The following CSMD1 variants were observed in gnomAD, a reference collection of about 807,000 sequenced individuals.
CSMD1 encodes CUB and Sushi multiple domains 1.
CSMD1 carries 213 observed loss-of-function variants against 417.5 expected under a neutral mutation model. That is an observed-to-expected ratio of 0.51 (90% CI 0.46 to 0.57). The LOEUF is 0.57. Among genes scored for constraint, CSMD1 ranks in the 20% least tolerant of loss-of-function variants. The pLI is 0.00. For missense variants in CSMD1, 6,923 were observed against 4,529.7 expected (o/e 1.53, Z -15.17); for synonymous variants, 2,862 against 1,736.8 (o/e 1.65, Z -16.11).
At position 4,714,878 on chromosome 8, in the gene CSMD1, A is replaced by G. The variant is rs146831891; in HGVS notation, c.86-77320T>C. Among the ~76,000 whole-genome samples the G allele has an allele frequency of 3.3e-4, 50 of 152,354 alleles. No homozygotes were observed. In the East Asian group the frequency reaches 8.9e-3, roughly 27 times the overall value. ...TAAAACCGAAGAAAAAAATCTGTAT[A>G]CCTTTAGAATAATTGTATAATTTGA... On this transcript the variant is annotated intron_variant, in intron 1 of 69. Transcript: ENST00000635120.
intron 62 of CSMD1, among the ~76,000 whole-genome samples, chr8:2,960,344 G>A (rs546868416): frequency 3.3e-5 from 5 of 152,330 alleles, no homozygotes; most frequent in African/African-American, 1.2e-4. Flanking sequence ...GTCCGAGCGA[G>A]AACAATGGGA....
chr8:4,470,147 G>T (rs183085945), intron 2 of CSMD1, among the ~76,000 whole-genome samples: 4 of 152,030 alleles, frequency 2.6e-5, no homozygotes, highest in Non-Finnish European at 5.9e-5. Flanking sequence ...TGGGATTACA[G>T]GTGGCCTTTG....
At chr8:3,114,905 A>G (rs752121995) in intron 42 of CSMD1, among the ~76,000 whole-genome samples, 2 of 152,192 alleles carry the variant, frequency 1.3e-5, no homozygotes, top group Non-Finnish European at 2.9e-5. Context: ...TAACATACCT[A>G]TCACAACATA....
chr8:3,394,224 A>G (rs1307169431), intron 17 of CSMD1, among the ~76,000 whole-genome samples: 2 of 146,962 alleles, frequency 1.4e-5, no homozygotes, highest in African/African-American at 2.5e-5. Context: ...TGTCAGGATT[A>G]CTTACATATT....
At chr8:4,342,227 GTGTGTCTGTGTGTGTGTGTGTGTCTC>G (rs1716965401) in intron 3 of CSMD1, among the ~76,000 whole-genome samples, 1 of 11,080 alleles carries the variant, frequency 9.0e-5, no homozygotes, top group African/African-American at 4.8e-4. Context: ...GTGTGTGTGT[GTGTGTCTGTGTGTGTGTGTGTGTCTC>G]TGTATGTGTG....
intron 7 of CSMD1, among the ~76,000 whole-genome samples, chr8:3,620,498 T>C (rs544461000): frequency 6.6e-6 from 1 of 152,300 alleles, no homozygotes; most frequent in Non-Finnish European, 1.5e-5. Flanking sequence ...TATATAAAGA[T>C]GTAATTTACA....
Position 3,308,346 on chromosome 8 carries a change from C to G in CSMD1, c.3789G>C (p.Arg1263Ser), listed in dbSNP as rs764801606. 11 of 1,613,198 alleles carry G rather than the reference C, an allele frequency of 6.8e-6. No individual in the cohort carries two copies. The highest frequency in any genetic ancestry group is 9.3e-6 in the Non-Finnish European group (11 of 1,179,486). ...SNTLTCLSGDRRVWDKPLPSC... is the reference protein window; with the variant it reads ...SNTLTCLSGDSRVWDKPLPSC... ...AAGGTAGTGGTTTGTCCCACACTCTCCTGTCTCCACTCAAACAGGTCAGGG... is the reference window on the plus strand; with the variant it reads ...AAGGTAGTGGTTTGTCCCACACTCTGCTGTCTCCACTCAAACAGGTCAGGG... The change falls in exon 24 of 70, where the codon AGG becomes AGC. Residue 1263 changes from arginine (R) to serine (S), a missense_variant. By Grantham distance (110) the Arg-to-Ser change is moderately radical (BLOSUM62 -1). Transcript: ENST00000635120.
At chr8:3,090,571 C>A (rs1814872916) in intron 48 of CSMD1, among the ~76,000 whole-genome samples, 1 of 152,110 alleles carries the variant, frequency 6.6e-6, no homozygotes, top group South Asian at 2.1e-4. Flanking sequence ...ATTCTTACAA[C>A]TGCTGTTTTA....
intron 3 of CSMD1, among the ~76,000 whole-genome samples, chr8:4,400,419 T>C (rs952625897): frequency 1.3e-5 from 2 of 152,260 alleles, no homozygotes; most frequent in South Asian, 2.1e-4. Context: ...CATATGTTTG[T>C]ACATGTGCAC....
At chr8:3,448,507 A>C (rs1026157336) in intron 12 of CSMD1, among the ~76,000 whole-genome samples, 29 of 144,334 alleles carry the variant, frequency 2.0e-4, no homozygotes, top group African/African-American at 7.4e-4. Context: ...TTCCCTGAAA[A>C]CTTGGAGAGA....
chr8:4,453,165 G>A lies in CSMD1; in HGVS notation c.303-33100C>T, dbSNP rs558775279. Reference sequence around the variant, plus strand: ...TTTGAGGCAAATATGGCACAAGCCCGTTCCCCCCTCCATCCCAACACACAG... The same window carrying A: ...TTTGAGGCAAATATGGCACAAGCCCATTCCCCCCTCCATCCCAACACACAG... On this transcript the variant is annotated intron_variant, in intron 2 of 69. Transcript: ENST00000635120. Among the ~76,000 whole-genome samples, 9 of 151,238 alleles carry A rather than the reference G, an allele frequency of 6.0e-5. No homozygotes were observed. In the East Asian group the frequency reaches 7.8e-4, roughly 13 times the overall value.
chr8:4,069,935 G>T (rs1006929455), intron 3 of CSMD1, among the ~76,000 whole-genome samples: 2 of 152,086 alleles, frequency 1.3e-5, no homozygotes, highest in African/African-American at 4.8e-5. Context: ...TAAAATTGCA[G>T]TATTATTTTT....
intron 62 of CSMD1, among the ~76,000 whole-genome samples, chr8:2,958,645 A>G (rs1242452593): frequency 6.6e-6 from 1 of 152,236 alleles, no homozygotes; most frequent in Non-Finnish European, 1.5e-5. Flanking sequence ...ACTCATGTAT[A>G]CAGGGAGAGG....
chr8:3,328,594 T>A (rs944887258), intron 23 of CSMD1, among the ~76,000 whole-genome samples: 26 of 152,206 alleles, frequency 1.7e-4, no homozygotes, highest in African/African-American at 2.4e-5. Context: ...GTCGCTCCAA[T>A]GTACATATAG....
chr8:4,941,063 A>T (rs1807965167), intron 1 of CSMD1, among the ~76,000 whole-genome samples: 1 of 152,204 alleles, frequency 6.6e-6, no homozygotes, highest in Admixed American at 6.5e-5. Flanking sequence ...TTGTAATCTG[A>T]CAGATAAACC....
rs373447945 is a variant in CSMD1, at chr8:2,961,278, G to A, written c.9629-64C>T. ...TATAGTTATTGTGAGAATTTTAACA[G>A]CTTTCACTAAAAGGTCTCATGAAAT... is the stretch of plus-strand genomic sequence containing the variant. On this transcript the variant is annotated intron_variant, in intron 61 of 69. Transcript: ENST00000635120. 2.8e-5 allele frequency: 27 copies of A among 976,822 alleles called. No homozygotes were observed. The African/African-American group carries it at 4.0e-4, about 15-fold the overall frequency. The allele number at this position is 976,822 out of a possible 1,614,324, so 60.5% of individuals were successfully genotyped here.
chr8:3,411,979 CACGT>C (rs1563361969), intron 12 of CSMD1, among the ~76,000 whole-genome samples: 1 of 45,728 alleles, frequency 2.2e-5, no homozygotes, highest in Non-Finnish European at 4.3e-5. Context: ...CGTATATATA[CACGT>C]ATATATACGT....
At chr8:4,196,872 G>A (rs761277580) in intron 3 of CSMD1, among the ~76,000 whole-genome samples, 2 of 152,116 alleles carry the variant, frequency 1.3e-5, no homozygotes, top group African/African-American at 4.8e-5. Flanking sequence ...AAAACATATA[G>A]TGAAAGTTCC....
chr8:4,403,592 C>T (rs564994353), intron 3 of CSMD1, among the ~76,000 whole-genome samples: 1 of 152,294 alleles, frequency 6.6e-6, no homozygotes, highest in South Asian at 2.1e-4. Flanking sequence ...TAGGACAGTA[C>T]ACACTCCTAA....
Sources: allele counts gnomAD v4.1 joint callset (sites outside exome capture counted in the v4.1 genomes callset), GRCh38; gene constraint gnomAD v4.1.1; transcripts MANE v1.5; gene names NCBI Gene and HGNC (gene_info 2026-07-23, HGNC 2026-07-21).